SBF2: variants seen among roughly 807,000 people sequenced by gnomAD.
The protein encoded by SBF2 is myotubularin-related protein 13.
In SBF2, 112 loss-of-function variants were observed where a neutral mutation model predicts 225.2. The observed-to-expected ratio is 0.50, with a 90% CI of 0.43 to 0.58. The LOEUF (loss-of-function observed/expected upper bound fraction) is 0.58. Among genes scored for constraint, SBF2 ranks in the 20% least tolerant of loss-of-function variants. The probability of loss-of-function intolerance (pLI) is 0.00; values close to 1 mark genes in which losing one functional copy is unlikely to be tolerated. For missense variants in SBF2, 1,996 were observed against 2,206.2 expected, an observed-to-expected ratio of 0.90 and a Z score of 1.91; for synonymous variants, 763 against 773.3, an observed-to-expected ratio of 0.99 and a Z score of 0.22.
chr11:9,909,453 T>G (rs1040217361), intron 16 of SBF2, among the ~76,000 whole-genome samples: 1 of 151,868 alleles, frequency 6.6e-6, no homozygotes, highest in African/African-American at 2.4e-5. Flanking sequence ...GGGTGGATCA[T>G]GAGGTCAGGA....
At chr11:10,090,801 T>C (rs1236764627) in intron 2 of SBF2, among the ~76,000 whole-genome samples, 1 of 135,440 alleles carries the variant, frequency 7.4e-6, no homozygotes, top group Non-Finnish European at 1.6e-5. Context: ...TAGAACCTAG[T>C]ACAACTAAAC....
intron 32 of SBF2, among the ~76,000 whole-genome samples, chr11:9,805,014 G>A (rs920067248): frequency 7.2e-5 from 11 of 152,122 alleles, no homozygotes; most frequent in Non-Finnish European, 1.5e-4. Flanking sequence ...GAAGGCCAAG[G>A]CAGATAGATC....
intron 1 of SBF2, among the ~76,000 whole-genome samples, chr11:10,205,578 G>A (rs1428024846): frequency 1.3e-5 from 2 of 151,994 alleles, no homozygotes; most frequent in African/African-American, 4.8e-5. Flanking sequence ...GGCAGCCAAG[G>A]TAGGCTCACT....
intron 1 of SBF2, among the ~76,000 whole-genome samples, chr11:10,201,481 A>T (rs540570186): frequency 6.6e-6 from 1 of 152,356 alleles, no homozygotes; most frequent in Non-Finnish European, 1.5e-5. Flanking sequence ...ATCATTCTAC[A>T]AAAGGCTTTC....
rs566694143 is a variant in SBF2 at position 10,032,373 on chromosome 11, C to G, written c.280-1203G>C. On this transcript the variant is annotated intron_variant, in intron 3 of 39. Transcript: ENST00000256190. ...TTGTGTGGATTACTCTAACAGCCTC[C>G]CTTCATCTCCTTTATTCTTCTTTAG... Among the ~76,000 whole-genome samples, 10 of 152,170 alleles carry G rather than the reference C, an allele frequency of 6.6e-5. No individual in the cohort carries two copies. In the South Asian group the frequency reaches 1.9e-3, roughly 28 times the overall value.
intron 2 of SBF2, among the ~76,000 whole-genome samples, chr11:10,142,808 A>G (rs913605978): frequency 4.9e-4 from 75 of 152,346 alleles, no homozygotes; most frequent in African/African-American, 1.7e-3. Context: ...TTTAACCAAT[A>G]CAACTATTTC....
At chr11:10,263,041 A>T (rs980726921) in intron 1 of SBF2, among the ~76,000 whole-genome samples, 4 of 152,212 alleles carry the variant, frequency 2.6e-5, no homozygotes, top group South Asian at 2.1e-4. Flanking sequence ...ATCCTAAAGA[A>T]ATTGTACTAC....
At chr11:10,208,635 A>G (rs957773777) in intron 1 of SBF2, among the ~76,000 whole-genome samples, 9 of 152,144 alleles carry the variant, frequency 5.9e-5, no homozygotes, top group African/African-American at 2.2e-4. Flanking sequence ...CAATTTCTGC[A>G]GTATTATCTA....
intron 16 of SBF2, chr11:9,959,736 G>A: frequency 1.5e-6 from 1 of 683,492 alleles, no homozygotes; most frequent in Non-Finnish European, 2.8e-6. Flanking sequence ...GTAGGGACAT[G>A]TACACCTGCT....
intron 2 of SBF2, among the ~76,000 whole-genome samples, chr11:10,159,657 C>T (rs1398300823): frequency 2.0e-5 from 3 of 152,158 alleles, no homozygotes; most frequent in Non-Finnish European, 4.4e-5. Context: ...AACCCTAGCA[C>T]TTTGGGAGGC....
chr11:10,029,970 C>A, intron 4 of SBF2, 95 bp from the exon 5 acceptor site: 1 of 859,890 alleles, frequency 1.2e-6, no homozygotes, highest in Non-Finnish European at 2.0e-6. Flanking sequence ...TCTTTGAACC[C>A]AGTAAAGTAT....
rs769963773 is a variant in SBF2, at chr11:10,193,975, C to T, written c.68G>A (p.Gly23Asp). 1 of 1,608,894 alleles carries T rather than the reference C, an allele frequency of 6.2e-7. No individual in the cohort carries two copies. Among genetic ancestry groups the T allele is most frequent in the Non-Finnish European group, 8.5e-7 (1 of 1,175,336 alleles). The change falls in exon 2 of 40, where the codon GGT becomes GAT. Residue 23 changes from glycine (G) to aspartate (D), a missense_variant. Coordinates refer to ENST00000256190, the MANE Select transcript of SBF2 (RefSeq NM_030962.4). ...AAATCTCTGGATTATTTTCCCCAGA[C>T]CTTCTCCTGATCCTGTTAATAAAAT... ...YDHEKPGSGE[G>D]LGKIIQRFPQ...
chr11:9,825,375 C>T (rs1271763680), intron 28 of SBF2, among the ~76,000 whole-genome samples: 1 of 152,300 alleles, frequency 6.6e-6, no homozygotes, highest in South Asian at 2.1e-4. Flanking sequence ...AACCAACTCC[C>T]TGACACCCTG....
intron 2 of SBF2, among the ~76,000 whole-genome samples, chr11:10,190,147 G>A (rs1354404237): frequency 4.0e-4 from 4 of 10,018 alleles, no homozygotes; most frequent in African/African-American, 7.4e-4. Context: ...GTGAAACTCC[G>A]TCTAAAAAAA....
At chr11:10,259,913 A>T (rs576915264) in intron 1 of SBF2, among the ~76,000 whole-genome samples, 1 of 152,326 alleles carries the variant, frequency 6.6e-6, no homozygotes, top group East Asian at 1.9e-4. Context: ...CACAATTTCA[A>T]ATCCAAAAAC....
At chr11:9,817,742 C>CAA (rs1161708572) in intron 28 of SBF2, among the ~76,000 whole-genome samples, 33 of 57,296 alleles carry the variant, frequency 5.8e-4, no homozygotes, top group Non-Finnish European at 7.4e-4. Flanking sequence ...CCGTCTCTAC[C>CAA]AAAAAAAAAA....
chr11:9,983,337 C>T (rs1289349918), intron 13 of SBF2, among the ~76,000 whole-genome samples: 1 of 152,096 alleles, frequency 6.6e-6, no homozygotes, highest in Non-Finnish European at 1.5e-5. Context: ...ACTTGCATGA[C>T]TCAGCAGAGG....
chr11:10,255,611 A>T (rs1471694337), intron 1 of SBF2, among the ~76,000 whole-genome samples: 1 of 152,212 alleles, frequency 6.6e-6, no homozygotes, highest in Non-Finnish European at 1.5e-5. Context: ...CAGCTGCATC[A>T]ATATTTTAAT....
chr11:9,961,672 C>T (rs1026390002), intron 16 of SBF2: 23 of 312,116 alleles, frequency 7.4e-5, no homozygotes, highest in Admixed American at 3.2e-4. Context: ...TAATATATAA[C>T]TGAATGCTTT....
Sources: allele counts gnomAD v4.1 joint callset (sites outside exome capture counted in the v4.1 genomes callset), GRCh38; gene constraint gnomAD v4.1.1; transcripts MANE v1.5; gene names NCBI Gene and HGNC (gene_info 2026-07-23, HGNC 2026-07-21).